The following PPP4R3A variants were observed in gnomAD, a reference collection of about 807,000 sequenced individuals.
The protein encoded by PPP4R3A is serine/threonine-protein phosphatase 4 regulatory subunit 3A.
A neutral mutation model predicts 91.7 loss-of-function variants in PPP4R3A; 15 were observed. That is an observed-to-expected ratio of 0.16 (90% CI 0.11 to 0.25). PPP4R3A has a LOEUF of 0.25. Among genes scored for constraint, PPP4R3A ranks in the 10% least tolerant of loss-of-function variants. The pLI, the probability that PPP4R3A is intolerant of heterozygous loss-of-function variation, is 1.00. For missense variants in PPP4R3A, 623 were observed against 998.4 expected (o/e 0.62, Z 5.07); for synonymous variants, 377 against 348.7 (o/e 1.08, Z -0.91).
In PPP4R3A at chr14:91,475,981, C is replaced by T. The variant is rs201441718; in HGVS notation, c.1111-15G>A. On this transcript the variant is annotated splice_polypyrimidine_tract_variant and intron_variant, in intron 6 of 14. Transcript: ENST00000554943. ...TCATCCATGCCCTGCAGACAAAAAACATTTATTTTTCCTGTATTTATAAAA... is the reference window on the plus strand; with the variant it reads ...TCATCCATGCCCTGCAGACAAAAAATATTTATTTTTCCTGTATTTATAAAA... The T allele has an allele frequency of 1.3e-6, 2 of 1,517,952 alleles. No individual in the cohort carries two copies. Among genetic ancestry groups the T allele is most frequent in the Admixed American group, 5.0e-5 (2 of 40,056 alleles). The allele number at this position is 1,517,952 out of a possible 1,614,324, so 94.0% of individuals were successfully genotyped here.
At position 91,458,524 on chromosome 14, in the gene PPP4R3A, G is replaced by C; in HGVS notation, c.*235C>G. 3.4e-6 allele frequency: 2 copies of C among 588,786 alleles called. No individual in the cohort carries two copies. Among genetic ancestry groups the C allele is most frequent in the Non-Finnish European group, 6.1e-6 (2 of 330,012 alleles). 36.5% of individuals were successfully genotyped at this position (588,786 alleles called of 1,614,324 possible). A position where few individuals can be genotyped will look rare whatever the true frequency, so the allele number is the denominator to read the frequency against. ...TTCCATTTCCTTCCCTGAGAAAAGG[G>C]CAATGTGTGGTCCAAGCTGGAGAGC... is the stretch of plus-strand genomic sequence containing the variant. On this transcript the variant is annotated 3_prime_UTR_variant, in exon 15 of 15. Coordinates refer to ENST00000554943, the MANE Select transcript of PPP4R3A (RefSeq NM_001366432.2).
intron 1 of PPP4R3A, among the ~76,000 whole-genome samples, chr14:91,501,264 C>A (rs1318344124): frequency 6.6e-6 from 1 of 152,148 alleles, no homozygotes; most frequent in African/African-American, 2.4e-5. Flanking sequence ...TTGGTCTTCA[C>A]CACAGCCCTG....
intron 1 of PPP4R3A, among the ~76,000 whole-genome samples, chr14:91,504,851 C>T (rs1244641712): frequency 1.3e-5 from 2 of 152,118 alleles, no homozygotes; most frequent in Non-Finnish European, 2.9e-5. Flanking sequence ...TTTAGAAATT[C>T]TCTTCTGTGA....
chr14:91,499,544 A>G (rs1890803653), intron 1 of PPP4R3A, among the ~76,000 whole-genome samples: 2 of 152,136 alleles, frequency 1.3e-5, no homozygotes, highest in Non-Finnish European at 2.9e-5. Flanking sequence ...AACTGCAGGT[A>G]GAAACTGTCA....
chr14:91,495,198 C>A (rs943470682), intron 1 of PPP4R3A, among the ~76,000 whole-genome samples: 3 of 151,774 alleles, frequency 2.0e-5, no homozygotes, highest in Non-Finnish European at 4.4e-5. Context: ...ATATACTCAG[C>A]TACACAGAGT....
At chr14:91,478,211 A>G (rs1197627284) in intron 4 of PPP4R3A, among the ~76,000 whole-genome samples, 1 of 152,210 alleles carries the variant, frequency 6.6e-6, no homozygotes, top group Non-Finnish European at 1.5e-5. Context: ...TGCTACCCAA[A>G]TGGCATCCAA....
chr14:91,479,293 CGTGTGTGTGTGTGTGTGTGTGT>C (rs3029507), intron 4 of PPP4R3A, among the ~76,000 whole-genome samples: 2 of 144,088 alleles, frequency 1.4e-5, no homozygotes, highest in Non-Finnish European at 3.0e-5. Context: ...TAAAAAACAA[CGTGTGTGTGTGTGTGTGTGTGT>C]GTGTGTGTGT....
chr14:91,463,479 G>A (rs2093873853), intron 11 of PPP4R3A, among the ~76,000 whole-genome samples: 1 of 152,020 alleles, frequency 6.6e-6, no homozygotes, highest in South Asian at 2.1e-4. Flanking sequence ...TGGCACCTAG[G>A]TTGAGATATA....
chr14:91,481,883 T>G lies in PPP4R3A; in HGVS notation c.608A>C (p.Asn203Thr). 1.2e-6 allele frequency: 2 copies of G among 1,614,138 alleles called. No homozygotes were observed. Among genetic ancestry groups the G allele is most frequent in the Non-Finnish European group, 1.7e-6 (2 of 1,180,028 alleles). The change falls in exon 4 of 15, where the codon AAT (asparagine) becomes ACT (threonine). Residue 203 changes from asparagine to threonine, a missense_variant. Physicochemically the swap from Asn to Thr is moderately conservative, Grantham distance 65. Around this residue, in one of 5 missense-constraint regions of PPP4R3A, gnomAD observed 264 missense variants for 377.3 expected, o/e 0.70. Transcript: ENST00000554943. Reference sequence around the variant, plus strand: ...CATAACTTCAAAAAGAGCAGTTCGATTCAAGAGAAAGATGCCTTTGATAAT... The same window carrying G: ...CATAACTTCAAAAAGAGCAGTTCGAGTCAAGAGAAAGATGCCTTTGATAAT... ...YEIIKGIFLLNRTALFEVMFS... is the reference protein window; with the variant it reads ...YEIIKGIFLLTRTALFEVMFS...
intron 2 of PPP4R3A, 109 bp downstream of exon 2, chr14:91,490,638 C>T: frequency 1.3e-6 from 1 of 797,668 alleles, no homozygotes; most frequent in Non-Finnish European, 2.0e-6. Context: ...ATTTCACTGC[C>T]AAACTGTTGT....
rs576765434 is a variant in PPP4R3A, at chr14:91,498,858, G to A, written c.143-8056C>T. 5.2e-3 allele frequency among the ~76,000 whole-genome samples: 779 copies of A among 148,414 alleles called. 3 individuals are homozygous for A. Among genetic ancestry groups the A allele is most frequent in the Non-Finnish European group, 9.1e-3 (617 of 67,638 alleles). ...GAACCCGGGAGGCGGAGCTTGCAGT[G>A]AGCCGAGATGGCACCACTGCACTCC... On this transcript the variant is annotated intron_variant, in intron 1 of 14. Coordinates refer to ENST00000554943, the MANE Select transcript of PPP4R3A (RefSeq NM_001366432.2).
At position 91,509,891 on chromosome 14, in the gene PPP4R3A, G is replaced by A; in HGVS notation, c.-244C>T. 1 of 1,084,118 alleles carries A rather than the reference G, an allele frequency of 9.2e-7. No homozygotes were observed. The highest frequency in any genetic ancestry group is 1.1e-6 in the Non-Finnish European group (1 of 895,350). 67.2% of individuals were successfully genotyped at this position (1,084,118 alleles called of 1,614,324 possible). A position where few individuals can be genotyped will look rare whatever the true frequency, so the allele number is the denominator to read the frequency against. Reference sequence around the variant, plus strand: ...CTATTGTCCAGGCCTGGCGAGCCCGGCGCCCGGCAGCCCCGAGGGGGCCGC... The same window carrying A: ...CTATTGTCCAGGCCTGGCGAGCCCGACGCCCGGCAGCCCCGAGGGGGCCGC... On this transcript the variant is annotated 5_prime_UTR_variant, in exon 1 of 15. Coordinates refer to ENST00000554943, the MANE Select transcript of PPP4R3A (RefSeq NM_001366432.2).
In PPP4R3A at chr14:91,509,828, C is replaced by G; in HGVS notation, c.-181G>C. On this transcript the variant is annotated 5_prime_UTR_variant, in exon 1 of 15. Transcript: ENST00000554943. Reference sequence around the variant, plus strand: ...CATGGCCCGCTCCAGGGACCGAGCTCTGGGCCGCCGCCTTTCCTCGCCTCC... The same window carrying G: ...CATGGCCCGCTCCAGGGACCGAGCTGTGGGCCGCCGCCTTTCCTCGCCTCC... 8.4e-7 allele frequency: 1 copy of G among 1,184,192 alleles called. No individual in the cohort carries two copies. Among genetic ancestry groups the G allele is most frequent in the Non-Finnish European group, 1.0e-6 (1 of 960,220 alleles). The allele number at this position is 1,184,192 out of a possible 1,614,324, so 73.4% of individuals were successfully genotyped here. A position where few individuals can be genotyped will look rare whatever the true frequency, so the allele number is the denominator to read the frequency against.
intron 10 of PPP4R3A, among the ~76,000 whole-genome samples, chr14:91,468,667 CAA>C (rs766250846): frequency 2.2e-3 from 99 of 45,028 alleles, no homozygotes; most frequent in African/African-American, 9.4e-3. Flanking sequence ...GACTCCGTCT[CAA>C]AAAAAAAAAA....
At chr14:91,462,703 G>GC in intron 12 of PPP4R3A, 32 bp downstream of exon 12, 2 of 1,611,950 alleles carry the variant, frequency 1.2e-6, no homozygotes, top group Non-Finnish European at 1.7e-6. Flanking sequence ...ACTTGATGCT[G>GC]AACGAATAGG....
At chr14:91,468,795 T>C (rs997121974) in intron 10 of PPP4R3A, among the ~76,000 whole-genome samples, 3 of 149,334 alleles carry the variant, frequency 2.0e-5, no homozygotes, top group Non-Finnish European at 4.4e-5. Flanking sequence ...TGCAATACTC[T>C]CCCATGACCA....
chr14:91,498,742 G>A (rs1476629120), intron 1 of PPP4R3A, among the ~76,000 whole-genome samples: 8 of 151,288 alleles, frequency 5.3e-5, no homozygotes, highest in East Asian at 2.0e-4. Flanking sequence ...GTGAAACCCC[G>A]TCTCTACTAA....
intron 6 of PPP4R3A, among the ~76,000 whole-genome samples, 184 bp downstream of exon 6, chr14:91,476,224 T>C (rs1889197288): frequency 6.6e-6 from 1 of 152,268 alleles, no homozygotes; most frequent in Non-Finnish European, 1.5e-5. Flanking sequence ...GAAATTCCTT[T>C]ACTGCATTCT....
At chr14:91,499,454 C>A (rs976577292) in intron 1 of PPP4R3A, among the ~76,000 whole-genome samples, 3 of 151,858 alleles carry the variant, frequency 2.0e-5, no homozygotes, top group African/African-American at 7.3e-5. Context: ...CCCAAATATA[C>A]TGATAATAGA....
Sources: allele counts gnomAD v4.1 joint callset (sites outside exome capture counted in the v4.1 genomes callset), GRCh38; gene constraint gnomAD v4.1.1; regional missense constraint gnomAD v4.1.1; transcripts MANE v1.5; gene names NCBI Gene and HGNC (gene_info 2026-07-23, HGNC 2026-07-21).